EXOC6B: variants seen among roughly 807,000 people sequenced by gnomAD.
EXOC6B encodes the protein exocyst complex component 6B, also known as SEC15 homolog B.
In EXOC6B, 54 loss-of-function variants were observed where a neutral mutation model predicts 113.5. That is an observed-to-expected ratio of 0.48 (90% CI 0.38 to 0.60). The LOEUF is 0.60. Among genes scored for constraint, EXOC6B ranks in the 20% least tolerant of loss-of-function variants. The probability of loss-of-function intolerance (pLI) is 0.00; values close to 1 mark genes in which losing one functional copy is unlikely to be tolerated. For synonymous variants in EXOC6B, 357 were observed against 339.0 expected (o/e 1.05, Z -0.58); for missense variants, 797 against 977.5 (o/e 0.82, Z 2.46).
intron 8 of EXOC6B, among the ~76,000 whole-genome samples, 199 bp downstream of exon 8, chr2:72,559,254 T>A (rs1458379728): frequency 6.6e-6 from 1 of 152,166 alleles, no homozygotes; most frequent in Non-Finnish European, 1.5e-5. Flanking sequence ...TATTGATGAC[T>A]AAGAAATGTC....
At chr2:72,490,822 G>T (rs1573242541) in intron 16 of EXOC6B, among the ~76,000 whole-genome samples, 1 of 152,232 alleles carries the variant, frequency 6.6e-6, no homozygotes, top group African/African-American at 2.4e-5. Flanking sequence ...CTCTTAAAAT[G>T]TCACAGTAAA....
chr2:72,723,729 G>C (rs1326405916), intron 5 of EXOC6B, among the ~76,000 whole-genome samples: 1 of 134,272 alleles, frequency 7.4e-6, no homozygotes, highest in Non-Finnish European at 1.6e-5. Flanking sequence ...AGAAAAATCA[G>C]TATTTATAGC....
At chr2:72,547,052 T>C (rs1453578947) in intron 8 of EXOC6B, among the ~76,000 whole-genome samples, 1 of 152,262 alleles carries the variant, frequency 6.6e-6, no homozygotes, top group East Asian at 1.9e-4. Flanking sequence ...AAATGTCACA[T>C]GCATGCACAT....
At chr2:72,715,518 C>T (rs1440581490) in intron 6 of EXOC6B, among the ~76,000 whole-genome samples, 3 of 150,348 alleles carry the variant, frequency 2.0e-5, no homozygotes, top group African/African-American at 2.4e-5. Flanking sequence ...GAAAAGCCAG[C>T]GTGCAGCTAG....
At chr2:72,790,937 G>C (rs188507302) in intron 1 of EXOC6B, among the ~76,000 whole-genome samples, 1 of 152,256 alleles carries the variant, frequency 6.6e-6, no homozygotes, top group Non-Finnish European at 1.5e-5. Context: ...CTAGAGGCTG[G>C]GAACAGAATG....
intron 10 of EXOC6B, 31 bp from the exon 11 acceptor site, chr2:72,513,283 G>T (rs984998131): frequency 1.9e-6 from 3 of 1,610,432 alleles, no homozygotes; most frequent in Non-Finnish European, 2.5e-6. Flanking sequence ...AAGCACAGCT[G>T]TCAGAAATTA....
chr2:72,673,739 ATTTTT>A (rs1386591838), intron 6 of EXOC6B, among the ~76,000 whole-genome samples: 1 of 149,002 alleles, frequency 6.7e-6, no homozygotes, highest in African/African-American at 2.4e-5. Context: ...TTTTTATTTT[ATTTTT>A]TTATTTATTT....
chr2:72,411,209 C>A (rs1454001114), intron 18 of EXOC6B, among the ~76,000 whole-genome samples: 3 of 151,794 alleles, frequency 2.0e-5, no homozygotes, highest in African/African-American at 4.8e-5. Flanking sequence ...GAGACCCTGC[C>A]TCAAAAAACA....
At chr2:72,589,057 A>T (rs186311603) in intron 6 of EXOC6B, among the ~76,000 whole-genome samples, 2 of 152,122 alleles carry the variant, frequency 1.3e-5, no homozygotes, top group African/African-American at 4.8e-5. Flanking sequence ...AGAAGAAAAA[A>T]ACACCAGAAA....
At chr2:72,815,282 G>T (rs1336081464) in intron 1 of EXOC6B, among the ~76,000 whole-genome samples, 1 of 152,028 alleles carries the variant, frequency 6.6e-6, no homozygotes, top group Non-Finnish European at 1.5e-5. Context: ...TTGAGCCCAG[G>T]AGTTCGACAG....
intron 18 of EXOC6B, among the ~76,000 whole-genome samples, chr2:72,394,896 C>G (rs1573021822): frequency 6.6e-6 from 1 of 152,074 alleles, no homozygotes; most frequent in South Asian, 2.1e-4. Context: ...CACACCCTCT[C>G]AACTGTAATT....
At chr2:72,376,592 T>G (rs555958733) in intron 19 of EXOC6B, among the ~76,000 whole-genome samples, 2 of 152,200 alleles carry the variant, frequency 1.3e-5, no homozygotes, top group African/African-American at 4.8e-5. Context: ...TTTAAATTCG[T>G]GTGTTAATAC....
Position 72,403,706 on chromosome 2 carries a change from T to G in EXOC6B, c.1981-23836A>C, listed in dbSNP as rs375162314. ...GGGCAAAAGAGCAAGACCCTGTCCT[T>G]AAAAAAGTAAAAAACTTAAAAATAG... On this transcript the variant is annotated intron_variant, in intron 18 of 21. Coordinates refer to ENST00000272427, the MANE Select transcript of EXOC6B (RefSeq NM_015189.3). Among the ~76,000 whole-genome samples, 179 of 151,958 alleles carry G rather than the reference T, an allele frequency of 1.2e-3. 2 individuals are homozygous for G. The highest frequency in any genetic ancestry group is 4.2e-3 in the African/African-American group (173 of 41,434).
intron 18 of EXOC6B, among the ~76,000 whole-genome samples, chr2:72,381,223 C>T (rs559099862): frequency 4.3e-4 from 66 of 152,126 alleles, no homozygotes; most frequent in African/African-American, 1.5e-3. Flanking sequence ...TCTGCAACTT[C>T]CTTTTTCAGT....
At chr2:72,681,360 C>T (rs1676691563) in intron 6 of EXOC6B, among the ~76,000 whole-genome samples, 2 of 152,128 alleles carry the variant, frequency 1.3e-5, no homozygotes, top group African/African-American at 4.8e-5. Context: ...TATATGCATG[C>T]CTCCAATATG....
At chr2:72,467,369 C>T (rs1452914321) in intron 17 of EXOC6B, among the ~76,000 whole-genome samples, 1 of 152,156 alleles carries the variant, frequency 6.6e-6, no homozygotes, top group Non-Finnish European at 1.5e-5. Flanking sequence ...ATTGCTGAAA[C>T]ATATGATAGT....
chr2:72,660,920 C>T (rs1674966391), intron 6 of EXOC6B, among the ~76,000 whole-genome samples: 1 of 151,626 alleles, frequency 6.6e-6, no homozygotes, highest in East Asian at 1.9e-4. Context: ...CTAGTTCTGG[C>T]TCAAGGAGCA....
chr2:72,500,438 T>C (rs192181382), intron 11 of EXOC6B, among the ~76,000 whole-genome samples: 311 of 151,828 alleles, frequency 2.0e-3, no homozygotes, highest in Non-Finnish European at 2.9e-3. Context: ...GAACCATAAG[T>C]AAATGAGAGA....
chr2:72,708,896 A>ATTTTTTTTTTTTTTTTT (rs1159794341), intron 6 of EXOC6B, among the ~76,000 whole-genome samples: 1 of 69,790 alleles, frequency 1.4e-5, no homozygotes, highest in Non-Finnish European at 2.5e-5. Flanking sequence ...CATCCAGCTA[A>ATTTTTTTTTTTTTTTTT]TTTTTTTTTT....
Sources: gnomAD v4.1 joint callset for allele counts (sites outside exome capture counted in the v4.1 genomes callset) on GRCh38, gnomAD v4.1.1 for gene constraint, MANE v1.5 for transcripts, NCBI Gene and HGNC (gene_info 2026-07-23, HGNC 2026-07-21) for gene names.